The following CEP164 variants were observed in gnomAD, a reference collection of about 807,000 sequenced individuals.
CEP164 encodes the protein centrosomal protein of 164 kDa.
In CEP164, 162 loss-of-function variants were observed where a neutral mutation model predicts 182.7. The observed-to-expected ratio is 0.89, with a 90% CI of 0.78 to 1.01. The LOEUF (loss-of-function observed/expected upper bound fraction) is 1.01. CEP164 is among the 50% of genes least tolerant of loss of function. The probability of loss-of-function intolerance (pLI) is 0.00; values close to 1 mark genes in which losing one functional copy is unlikely to be tolerated. For missense variants in CEP164, 1,735 were observed against 1,790.4 expected, an observed-to-expected ratio of 0.97 and a Z score of 0.56; for synonymous variants, 661 against 690.0, an observed-to-expected ratio of 0.96 and a Z score of 0.66.
chr11:117,396,515 T>C (rs1215242457), intron 25 of CEP164, 35 bp from the exon 26 acceptor site: 2 of 1,579,986 alleles, frequency 1.3e-6, no homozygotes, highest in Admixed American at 1.7e-5. Flanking sequence ...CTGCTTTTGC[T>C]ACACTCAGTG....
intron 4 of CEP164, among the ~76,000 whole-genome samples, chr11:117,348,474 T>C (rs2039236340): frequency 1.3e-5 from 2 of 152,160 alleles, no homozygotes; most frequent in Admixed American, 1.3e-4. Flanking sequence ...TTTGTTAAGG[T>C]GGCAGAACTC....
At position 117,393,123 on chromosome 11, in the gene CEP164, T is replaced by C. The variant is rs768196435; in HGVS notation, c.2613T>C (p.Ala871=). ...CTAAGGCCAGAGAGCAGTATGAAGC[T>C]GAGGTAGCTCAGCCACATCCCCTGC... ...VMAKAREQYE[A]EERKQRAELL... is the part of the protein sequence containing the mutation. The change falls in exon 20 of 33, where the codon GCT becomes GCC. Residue 871 remains alanine (A), a synonymous_variant. Transcript: ENST00000278935. 5.0e-6 allele frequency: 8 copies of C among 1,612,458 alleles called. No homozygotes were observed. The Middle Eastern group carries it at 1.2e-3, about 234-fold the overall frequency.
At chr11:117,405,075 A>G (rs1283220762) in intron 27 of CEP164, among the ~76,000 whole-genome samples, 2 of 152,150 alleles carry the variant, frequency 1.3e-5, no homozygotes, top group Admixed American at 6.6e-5. Flanking sequence ...AAGCCAGTGG[A>G]TCTTAGCTTG....
chr11:117,392,108 C>A, intron 17 of CEP164, 118 bp from the exon 18 acceptor site: 1 of 757,944 alleles, frequency 1.3e-6, no homozygotes, highest in Non-Finnish European at 2.0e-6. Context: ...CTGTGCTTCC[C>A]CATGCTTCCC....
intron 15 of CEP164, among the ~76,000 whole-genome samples, chr11:117,388,806 C>T (rs1169647201): frequency 8.0e-5 from 12 of 150,462 alleles, no homozygotes; most frequent in Admixed American, 2.0e-4. Flanking sequence ...CTTGCTCTGT[C>T]GCCCAGGCTG....
rs1240965964 is a variant in CEP164, at chr11:117,380,643, G to A, written c.1347G>A (p.Lys449=). The A allele has an allele frequency of 9.3e-6, 15 of 1,607,136 alleles. No homozygotes were observed. The highest frequency in any genetic ancestry group is 1.7e-5 in the Admixed American group (1 of 59,250). The change falls in exon 12 of 33, where the codon AAG becomes AAA. Residue 449 remains lysine (K), a synonymous_variant. Transcript: ENST00000278935. ...AGCAACCACTGGGAATAGAAGACAA[G>A]GATGACAGCCAGTCCAGCCAAGATG... ...QAQQPLGIED[K]DDSQSSQDEL... is the part of the protein sequence containing the mutation.
chr11:117,390,665 G>C (rs1187206060), intron 15 of CEP164, 112 bp from the exon 16 acceptor site: 15 of 1,322,528 alleles, frequency 1.1e-5, no homozygotes, highest in African/African-American at 3.0e-5. Flanking sequence ...AAAGATTTAG[G>C]AAGTTTCTTA....
At chr11:117,410,236 T>C in intron 30 of CEP164, 1 of 579,356 alleles carries the variant, frequency 1.7e-6, no homozygotes, top group Non-Finnish European at 3.1e-6. Flanking sequence ...GGGGCCTTTA[T>C]TGTGGATTCT....
chr11:117,338,542 T>C (rs1320137027), intron 2 of CEP164, 24 bp from the exon 3 acceptor site: 7 of 1,549,214 alleles, frequency 4.5e-6, no homozygotes, highest in Non-Finnish European at 6.2e-6. Context: ...TTTTTCTCTT[T>C]TGGTGGGGGC....
At chr11:117,374,015 G>GT (rs1443970078) in intron 10 of CEP164, among the ~76,000 whole-genome samples, 184 bp downstream of exon 10, 1 of 152,110 alleles carries the variant, frequency 6.6e-6, no homozygotes, top group East Asian at 1.9e-4. Context: ...TATTTTATAG[G>GT]TTTGTTGTGA....
upstream of CEP164, among the ~76,000 whole-genome samples, chr11:117,323,131 C>T (rs1482181955): frequency 1.3e-5 from 2 of 151,970 alleles, no homozygotes; most frequent in African/African-American, 2.4e-5. Flanking sequence ...GAACTCCTGA[C>T]CTCAAGTGAT....
intron 14 of CEP164, chr11:117,386,808 C>CAG (rs1317596368): frequency 1.5e-5 from 3 of 206,348 alleles, no homozygotes; most frequent in African/African-American, 7.0e-5. Context: ...AAGTAGCAGG[C>CAG]AGAGCTCTAG....
chr11:117,411,964 T>C lies in CEP164; in HGVS notation c.4286+47T>C. 6.2e-7 allele frequency: 1 copy of C among 1,612,460 alleles called. No individual in the cohort carries two copies. The highest frequency in any genetic ancestry group is 8.5e-7 in the Non-Finnish European group (1 of 1,179,078). On this transcript the variant is annotated intron_variant, in intron 32 of 32. Transcript: ENST00000278935. This position sits in a 1 kb window ranked among gnomAD's most constrained non-coding sequence, Gnocchi z 4.4. ...AAACTGGGCTGGGCTGTGGGGACTG[T>C]GCTTGTGCCCTGAGGGGCTGAGGAG...
intron 13 of CEP164, 60 bp from the exon 14 acceptor site, chr11:117,382,736 A>C: frequency 1.3e-6 from 2 of 1,573,244 alleles, no homozygotes; most frequent in Non-Finnish European, 1.7e-6. Context: ...AATGGCGTAC[A>C]TCTTAAGCCT....
rs1039992418 is a variant in CEP164 at position 117,351,865 on chromosome 11, A to C, written c.270A>C (p.Glu90Asp). The stretch of plus-strand genomic sequence containing the variant: ...CTATGTGGGACCATCCATGTGACGA[A>C]CACTATCGGAGCTTGGTGATCCAAG... ...GQSMWDHPCDEHYRSLVIQER... is the reference protein window; with the variant it reads ...GQSMWDHPCDDHYRSLVIQER... Residue 90 changes from glutamate (E) to aspartate (D), a missense_variant, in exon 5 of 33, where the codon GAA (glutamate) becomes GAC (aspartate). Coordinates refer to ENST00000278935, the MANE Select transcript of CEP164 (RefSeq NM_014956.5). The C allele has an allele frequency of 6.2e-7, 1 of 1,613,844 alleles. No homozygotes were observed. The highest frequency in any genetic ancestry group is 8.5e-7 in the Non-Finnish European group (1 of 1,179,954).
intron 3 of CEP164, 65 bp downstream of exon 3, chr11:117,338,733 G>A (rs1822104676): frequency 7.8e-7 from 1 of 1,288,808 alleles, no homozygotes; most frequent in Non-Finnish European, 1.1e-6. Context: ...GGATTGTCTG[G>A]TTTATTTTTA....
chr11:117,407,469 A>G (rs1308707631), intron 27 of CEP164, among the ~76,000 whole-genome samples: 2 of 150,754 alleles, frequency 1.3e-5, no homozygotes, highest in African/African-American at 4.9e-5. Context: ...AAAAAAAAAA[A>G]AAAAAAAAAA....
chr11:117,406,206 T>A (rs1453638174), intron 27 of CEP164, among the ~76,000 whole-genome samples: 1 of 152,184 alleles, frequency 6.6e-6, no homozygotes, highest in Non-Finnish European at 1.5e-5. Flanking sequence ...ACTGGGGAAA[T>A]GATTCTGGGG....
At chr11:117,379,955 T>A (rs1265317176) in intron 11 of CEP164, among the ~76,000 whole-genome samples, 1 of 151,122 alleles carries the variant, frequency 6.6e-6, no homozygotes, top group Non-Finnish European at 1.5e-5. Context: ...TTTTGATGGA[T>A]GATGTAATTG....
Sources: allele counts gnomAD v4.1 joint callset (sites outside exome capture counted in the v4.1 genomes callset), GRCh38; gene constraint gnomAD v4.1.1; non-coding constraint Gnocchi (gnomAD v3.1); transcripts MANE v1.5; gene names NCBI Gene and HGNC (gene_info 2026-07-23, HGNC 2026-07-21).